PRKN: variants seen among roughly 807,000 people sequenced by gnomAD.
The protein encoded by PRKN is E3 ubiquitin-protein ligase parkin.
PRKN carries 56 observed loss-of-function variants against 59.5 expected under a neutral mutation model. That is an observed-to-expected ratio of 0.94 (90% CI 0.76 to 1.18). PRKN has a LOEUF of 1.18. Ranked by LOEUF, PRKN falls within the 50% of genes most tolerant of loss-of-function variation. The pLI, the probability that PRKN is intolerant of heterozygous loss-of-function variation, is 0.00. For synonymous variants in PRKN, 250 were observed against 222.1 expected (o/e 1.13, Z -1.12); for missense variants, 657 against 596.4 (o/e 1.10, Z -1.06).
At chr6:161,619,140 T>C (rs1057406900) in intron 7 of PRKN, among the ~76,000 whole-genome samples, 1 of 150,672 alleles carries the variant, frequency 6.6e-6, no homozygotes, top group Non-Finnish European at 1.5e-5. Flanking sequence ...ATCTACAAGG[T>C]AGCAAGGACA....
At chr6:162,643,397 C>CAAAAAAAAAAAAAAA (rs59995115) in intron 1 of PRKN, among the ~76,000 whole-genome samples, 6 of 82,464 alleles carry the variant, frequency 7.3e-5, no homozygotes, top group Admixed American at 1.8e-4. Flanking sequence ...GACTCTGCCT[C>CAAAAAAAAAAAAAAA]AAAAAAAAAA....
rs1217863870 is a variant in PRKN, at chr6:161,475,526, C to T, written c.1083+73328G>A. Among the ~76,000 whole-genome samples the T allele has an allele frequency of 6.6e-6, 1 of 152,090 alleles. No homozygotes were observed. The highest frequency in any genetic ancestry group is 1.5e-5 in the Non-Finnish European group (1 of 68,016). On this transcript the variant is annotated intron_variant, in intron 9 of 11. Coordinates refer to ENST00000366898, the MANE Select transcript of PRKN (RefSeq NM_004562.3). This position sits in a 1 kb window ranked among gnomAD's most constrained non-coding sequence, Gnocchi z 5.3. ...TTTTTATTTACATATATTTTTGAGA[C>T]GAGGTCTCGCTCTGTGGCCCAGGCT...
In PRKN at chr6:161,396,663, A is replaced by T. The variant is rs1786773438; in HGVS notation, c.1084-9786T>A. ...CATTTACAATCTGCAGCAAGGCACT[A>T]GACTCTGTAGAAATGATTACGCTAC... On this transcript the variant is annotated intron_variant, in intron 9 of 11. Coordinates refer to ENST00000366898, the MANE Select transcript of PRKN (RefSeq NM_004562.3). The surrounding 1 kb of genome is among the most constrained non-coding windows in gnomAD (Gnocchi z 5.4). 6.6e-6 allele frequency among the ~76,000 whole-genome samples: 1 copy of T among 152,200 alleles called. No homozygotes were observed. Among genetic ancestry groups the T allele is most frequent in the Non-Finnish European group, 1.5e-5 (1 of 68,048 alleles).
intron 5 of PRKN, among the ~76,000 whole-genome samples, chr6:161,982,399 A>C (rs1002588135): frequency 1.1e-4 from 12 of 110,944 alleles, no homozygotes; most frequent in Admixed American, 1.9e-4. Context: ...AATTGGAAAA[A>C]ACTACTTTAA....
At chr6:162,117,196 A>T (rs1780710383) in intron 4 of PRKN, among the ~76,000 whole-genome samples, 1 of 152,224 alleles carries the variant, frequency 6.6e-6, no homozygotes, top group African/African-American at 2.4e-5. Flanking sequence ...CTTAAAATAG[A>T]TAATGAAGAA....
intron 1 of PRKN, among the ~76,000 whole-genome samples, chr6:162,669,342 G>GT (rs1413783874): frequency 6.6e-6 from 1 of 151,994 alleles, no homozygotes; most frequent in Non-Finnish European, 1.5e-5. Context: ...ATTAAGTGTT[G>GT]TATCTTCTTG....
intron 4 of PRKN, among the ~76,000 whole-genome samples, chr6:162,072,346 T>A (rs1420464947): frequency 6.6e-6 from 1 of 152,142 alleles, no homozygotes; most frequent in Non-Finnish European, 1.5e-5. Context: ...ATTGGAGGGA[T>A]GAGAGACCTC....
intron 7 of PRKN, among the ~76,000 whole-genome samples, chr6:161,674,435 C>G (rs1316978043): frequency 1.3e-5 from 2 of 152,078 alleles, no homozygotes; most frequent in Admixed American, 6.6e-5. Flanking sequence ...GGTGGCTGTT[C>G]AAGGATTTAC....
At chr6:162,440,413 G>GCA (rs1789997306) in intron 2 of PRKN, among the ~76,000 whole-genome samples, 1 of 152,104 alleles carries the variant, frequency 6.6e-6, no homozygotes, top group African/African-American at 2.4e-5. Context: ...CTGAGGTGAG[G>GCA]CACTAAAACT....
rs931491052 is a variant in PRKN, at chr6:161,377,805, G to A, written c.1167+8989C>T. Reference sequence around the variant, plus strand: ...CTGTCTTGCCCCTTCTACCATGTGAGGGTATAGCTAGAAGACGTCATCTAC... The same window carrying A: ...CTGTCTTGCCCCTTCTACCATGTGAAGGTATAGCTAGAAGACGTCATCTAC... On this transcript the variant is annotated intron_variant, in intron 10 of 11. Coordinates refer to ENST00000366898, the MANE Select transcript of PRKN (RefSeq NM_004562.3). The surrounding 1 kb of genome is among the most constrained non-coding windows in gnomAD (Gnocchi z 4.2). 6.6e-6 allele frequency among the ~76,000 whole-genome samples: 1 copy of A among 152,166 alleles called. No homozygotes were observed. The highest frequency in any genetic ancestry group is 1.5e-5 in the Non-Finnish European group (1 of 68,036).
At chr6:161,425,843 C>T (rs1156911236) in intron 9 of PRKN, among the ~76,000 whole-genome samples, 1 of 152,170 alleles carries the variant, frequency 6.6e-6, no homozygotes, top group East Asian at 1.9e-4. Context: ...CCCCCATATT[C>T]ACACGGTGCC....
At chr6:162,726,488 C>CT (rs1268682674) in intron 1 of PRKN, among the ~76,000 whole-genome samples, 1 of 152,088 alleles carries the variant, frequency 6.6e-6, no homozygotes, top group Non-Finnish European at 1.5e-5. Context: ...TCAGACCATG[C>CT]TAGAAAGGGA....
intron 1 of PRKN, among the ~76,000 whole-genome samples, chr6:162,693,218 T>C (rs1777843885): frequency 1.3e-5 from 2 of 152,210 alleles, no homozygotes; most frequent in Non-Finnish European, 2.9e-5. Context: ...AAGATGTATG[T>C]GCCCAGCAGG....
rs1783976551 is a variant in PRKN, at chr6:161,593,571, A to T, written c.872-24155T>A. On this transcript the variant is annotated intron_variant, in intron 7 of 11. Coordinates refer to ENST00000366898, the MANE Select transcript of PRKN (RefSeq NM_004562.3). This position sits in a 1 kb window ranked among gnomAD's most constrained non-coding sequence, Gnocchi z 4.8. ...CTGGGGGCTGGAAGGTGAGGCCAGC[A>T]GGTCTTGCTGGTGGGCTGCCCTGTG... Among the ~76,000 whole-genome samples, 1 of 152,154 alleles carries T rather than the reference A, an allele frequency of 6.6e-6. No homozygotes were observed. Among genetic ancestry groups the T allele is most frequent in the African/African-American group, 2.4e-5 (1 of 41,442 alleles).
At chr6:162,138,551 A>G (rs1172334119) in intron 4 of PRKN, among the ~76,000 whole-genome samples, 2 of 152,200 alleles carry the variant, frequency 1.3e-5, no homozygotes, top group Non-Finnish European at 2.9e-5. Flanking sequence ...CACAACCAGG[A>G]GAAAAATCAA....
Position 161,545,374 on chromosome 6 carries a change from C to T in PRKN, c.1083+3480G>A, listed in dbSNP as rs373372440. The T allele has an allele frequency of 1.1e-5, 17 of 1,611,762 alleles. 1 individual carries two copies. In the Admixed American group the frequency reaches 1.8e-4, roughly 17 times the overall value. Reference sequence around the variant, plus strand: ...TTGCTACCAATGACTTTTCCTTGAACGATGTATTGAATGAGGCACTCACTT... The same window carrying T: ...TTGCTACCAATGACTTTTCCTTGAATGATGTATTGAATGAGGCACTCACTT... On this transcript the variant is annotated intron_variant, in intron 9 of 11. Coordinates refer to ENST00000366898, the MANE Select transcript of PRKN (RefSeq NM_004562.3). This position sits in a 1 kb window ranked among gnomAD's most constrained non-coding sequence, Gnocchi z 4.1.
intron 6 of PRKN, among the ~76,000 whole-genome samples, chr6:161,815,193 T>C (rs1164158924): frequency 2.0e-5 from 3 of 152,224 alleles, no homozygotes; most frequent in Non-Finnish European, 4.4e-5. Flanking sequence ...CATATGATTC[T>C]AGGACACTCG....
rs1005800846 is a variant in PRKN, at chr6:161,446,668, CCTTTCT to C, written c.1084-59797_1084-59792del. On this transcript the variant is annotated intron_variant, in intron 9 of 11. Coordinates refer to ENST00000366898, the MANE Select transcript of PRKN (RefSeq NM_004562.3). The surrounding 1 kb of genome is among the most constrained non-coding windows in gnomAD (Gnocchi z 6.2). Reference sequence around the variant, plus strand: ...TCTACCCATGATTTATTAGACCTCCCCTTTCTATCAAATTAAAGCTCTGCACAAACG... The same window carrying C: ...TCTACCCATGATTTATTAGACCTCCCATCAAATTAAAGCTCTGCACAAACG... Among the ~76,000 whole-genome samples the C allele has an allele frequency of 3.3e-5, 5 of 152,148 alleles. No homozygotes were observed. Among genetic ancestry groups the C allele is most frequent in the Non-Finnish European group, 5.9e-5 (4 of 68,032 alleles).
At chr6:161,570,564 C>T (rs1316035613) in intron 7 of PRKN, among the ~76,000 whole-genome samples, 1 of 151,824 alleles carries the variant, frequency 6.6e-6, no homozygotes, top group Non-Finnish European at 1.5e-5. Flanking sequence ...TTATGATGAT[C>T]TGCTTTCACT....
Sources: gnomAD v4.1 joint callset for allele counts (sites outside exome capture counted in the v4.1 genomes callset) on GRCh38, gnomAD v4.1.1 for gene constraint, Gnocchi (gnomAD v3.1) non-coding constraint, MANE v1.5 for transcripts, NCBI Gene and HGNC (gene_info 2026-07-23, HGNC 2026-07-21) for gene names.